The following STRADA variants were observed in gnomAD, a reference collection of about 807,000 sequenced individuals.
STRADA encodes the protein STE20-related kinase adapter protein alpha.
In STRADA, 26 loss-of-function variants were observed where a neutral mutation model predicts 55.0. The observed-to-expected ratio is 0.47, with a 90% CI of 0.35 to 0.66. The LOEUF (loss-of-function observed/expected upper bound fraction) is 0.66. Ranked by LOEUF, STRADA falls within the 30% of genes least tolerant of loss-of-function variation. The pLI, the probability that STRADA is intolerant of heterozygous loss-of-function variation, is 0.01. For synonymous variants in STRADA, 197 were observed against 210.9 expected (o/e 0.93, Z 0.57); for missense variants, 443 against 549.7 (o/e 0.81, Z 1.94).
chr17:63,703,843 G>A lies in STRADA; in HGVS notation c.1144-92C>T, dbSNP rs2035876490. Reference sequence around the variant, plus strand: ...GGAACCATGGCCTGGTGGCAGACGGGCTGTCGGAGCCAACTCCATGAGAGG... The same window carrying A: ...GGAACCATGGCCTGGTGGCAGACGGACTGTCGGAGCCAACTCCATGAGAGG... On this transcript the variant is annotated intron_variant, in intron 12 of 12. Transcript: ENST00000336174. 1.9e-6 allele frequency: 3 copies of A among 1,609,996 alleles called. No homozygotes were observed. In the South Asian group the frequency reaches 3.3e-5, roughly 18 times the overall value.
intron 10 of STRADA, chr17:63,704,824 T>C: frequency 6.5e-7 from 1 of 1,535,496 alleles, no homozygotes; most frequent in Non-Finnish European, 8.7e-7. Context: ...AAGTACCCGC[T>C]TTCGCCATGG....
At chr17:63,703,818 G>A in intron 12 of STRADA, 67 bp from the exon 13 acceptor site, 2 of 1,608,838 alleles carry the variant, frequency 1.2e-6, no homozygotes, top group Non-Finnish European at 1.7e-6. Context: ...CATGGGGCAA[G>A]GAACCATGGC....
chr17:63,722,721 A>G (rs1240991074), intron 4 of STRADA, among the ~76,000 whole-genome samples: 3 of 152,202 alleles, frequency 2.0e-5, no homozygotes, highest in Non-Finnish European at 4.4e-5. Context: ...AGCTTGGTAC[A>G]CTGTGCACAT....
chr17:63,726,592 G>T, intron 3 of STRADA, 46 bp downstream of exon 3: 2 of 1,580,520 alleles, frequency 1.3e-6, no homozygotes, highest in African/African-American at 1.4e-5. Flanking sequence ...AAAAAGTAGT[G>T]ATTTTTATAT....
intron 6 of STRADA, among the ~76,000 whole-genome samples, chr17:63,711,790 T>C (rs911326280): frequency 2.6e-5 from 4 of 151,936 alleles, no homozygotes; most frequent in African/African-American, 9.7e-5. Flanking sequence ...AAAAAATTAG[T>C]TGAGCATGGT....
chr17:63,722,003 C>T (rs191251823), intron 4 of STRADA, among the ~76,000 whole-genome samples: 2 of 152,304 alleles, frequency 1.3e-5, no homozygotes, highest in East Asian at 1.9e-4. Flanking sequence ...CCACAAGAAA[C>T]GCAGGTTAGT....
intron 7 of STRADA, 38 bp from the exon 8 acceptor site, chr17:63,710,652 T>C: frequency 6.2e-7 from 1 of 1,613,932 alleles, no homozygotes; most frequent in Non-Finnish European, 8.5e-7. Context: ...TGAAAGGTAA[T>C]GGAGGAGGAA....
intron 3 of STRADA, chr17:63,723,568 T>G (rs2037452685): frequency 1.9e-6 from 1 of 522,296 alleles, no homozygotes; most frequent in East Asian, 3.1e-5. Flanking sequence ...AGGCTACTAC[T>G]CTATGGGTAT....
chr17:63,713,587 T>G, intron 5 of STRADA, 60 bp from the exon 6 acceptor site: 1 of 1,580,422 alleles, frequency 6.3e-7, no homozygotes, highest in African/African-American at 1.4e-5. Context: ...TTTAAGAAAA[T>G]TTTCCTTTAA....
Position 63,737,001 on chromosome 17 carries a change from C to A in STRADA, c.-45+4740G>T, listed in dbSNP as rs557027055. Among the ~76,000 whole-genome samples, 603 of 151,792 alleles carry A rather than the reference C, an allele frequency of 4.0e-3. 2 individuals are homozygous for A. The highest frequency in any genetic ancestry group is 7.3e-3 in the Non-Finnish European group (499 of 67,918). Reference sequence around the variant, plus strand: ...CAGTGGTCCACGCCTATAATCCCAGCACTTTGGGAGGCTGAGGAGGGCAGA... The same window carrying A: ...CAGTGGTCCACGCCTATAATCCCAGAACTTTGGGAGGCTGAGGAGGGCAGA... On this transcript the variant is annotated intron_variant, in intron 1 of 12. Transcript: ENST00000336174.
At chr17:63,714,205 T>C (rs1237330106) in intron 4 of STRADA, 97 bp from the exon 5 acceptor site, 1 of 822,444 alleles carries the variant, frequency 1.2e-6, no homozygotes. Context: ...GAGACTGGCA[T>C]CTAAACACAC....
In STRADA at chr17:63,740,127, T is replaced by TAC. The variant is rs1555712244; in HGVS notation, c.-45+1612_-45+1613dup. On this transcript the variant is annotated intron_variant, in intron 1 of 12. Coordinates refer to ENST00000336174, the MANE Select transcript of STRADA (RefSeq NM_001003787.4). ...ATATATACATACATACATATATATA[T>TAC]ACACATACATATATATATATACACA... Among the ~76,000 whole-genome samples the TAC allele has an allele frequency of 4.5e-3, 238 of 53,082 alleles. 14 individuals are homozygous for TAC. The highest frequency in any genetic ancestry group is 5.7e-3 in the Non-Finnish European group (172 of 30,362). 34.8% of individuals were successfully genotyped at this position (53,082 alleles called of 152,430 possible).
intron 3 of STRADA, 90 bp from the exon 4 acceptor site, chr17:63,723,416 AT>A: frequency 1.3e-6 from 2 of 1,495,446 alleles, no homozygotes; most frequent in Non-Finnish European, 1.9e-6. Flanking sequence ...TTAGGACTAC[AT>A]TTATTAATAG....
chr17:63,706,448 C>T (rs1411282240), intron 10 of STRADA, 187 bp downstream of exon 10: 9 of 565,580 alleles, frequency 1.6e-5, no homozygotes, highest in Admixed American at 3.2e-5. Flanking sequence ...TCCCTTACCA[C>T]CAGGTTTGCC....
chr17:63,704,514 C>G lies in STRADA; in HGVS notation c.927G>C (p.Glu309Asp), dbSNP rs1481364195. The G allele has an allele frequency of 3.1e-6, 5 of 1,606,004 alleles. No homozygotes were observed. The highest frequency in any genetic ancestry group is 1.3e-5 in the African/African-American group (1 of 74,752). The change falls in exon 11 of 13, where the codon GAG becomes GAC. Residue 309 changes from glutamate to aspartate, a missense_variant. Glu to Asp is a conservative substitution (Grantham distance 45, BLOSUM62 2). Transcript: ENST00000336174. ...CTGAGCGCGAAGGGCTCATGGTCAG[C>G]TCCTCAGCGGGGATGGTGCTGGTAT... is the stretch of plus-strand genomic sequence containing the variant. ...LLDTSTIPAEELTMSPSRSVA... is the reference protein window; with the variant it reads ...LLDTSTIPAEDLTMSPSRSVA...
intron 4 of STRADA, among the ~76,000 whole-genome samples, chr17:63,717,991 A>G (rs2037017052): frequency 6.6e-6 from 1 of 152,130 alleles, no homozygotes; most frequent in Non-Finnish European, 1.5e-5. Context: ...GCTGGAGTGC[A>G]GTGGCAAGAT....
chr17:63,718,417 C>A (rs114534204), intron 4 of STRADA, among the ~76,000 whole-genome samples: 1,714 of 152,318 alleles, frequency 0.011, 27 homozygotes, highest in African/African-American at 0.04. Context: ...GAATTCACAA[C>A]GCTCATTTGG....
rs758973717 is a variant in STRADA, at chr17:63,710,709, A to G, written c.457+19T>C. On this transcript the variant is annotated intron_variant, in intron 7 of 12. Coordinates refer to ENST00000336174, the MANE Select transcript of STRADA (RefSeq NM_001003787.4). ...GAGTCCCAATAACCCCTTTCTACCA[A>G]GAACCCTTTCCCACTCACCGTATGC... 4 of 1,614,106 alleles carry G rather than the reference A, an allele frequency of 2.5e-6. No individual in the cohort carries two copies. The East Asian group carries it at 6.7e-5, about 27-fold the overall frequency.
chr17:63,706,701 A>G lies in STRADA; in HGVS notation c.792T>C (p.Ser264=), dbSNP rs1057519011. The G allele has an allele frequency of 6.2e-7, 1 of 1,614,092 alleles. No individual in the cohort carries two copies. The highest frequency in any genetic ancestry group is 1.6e-4 in the Middle Eastern group (1 of 6,062). The change falls in exon 10 of 13, where the codon AGT becomes AGC. Residue 264 remains serine (S), a synonymous_variant. Transcript: ENST00000336174. Reference sequence around the variant, plus strand: ...CCAGTTCACAGGCTGTGATTCCCACACTGTAGATGTCAGACTTGGCATCAT... The same window carrying G: ...CCAGTTCACAGGCTGTGATTCCCACGCTGTAGATGTCAGACTTGGCATCAT... ...QGYDAKSDIY[S]VGITACELAN... is the part of the protein sequence containing the mutation.
Sources: allele counts gnomAD v4.1 joint callset (sites outside exome capture counted in the v4.1 genomes callset), GRCh38; gene constraint gnomAD v4.1.1; transcripts MANE v1.5; gene names NCBI Gene and HGNC (gene_info 2026-07-23, HGNC 2026-07-21).